Variants in CABLES2 observed in about 807,000 individuals in gnomAD.
CABLES2 encodes Cdk5 and Abl enzyme substrate 2.
In CABLES2, 35 loss-of-function variants were observed where a neutral mutation model predicts 44.8. The ratio of observed to expected loss-of-function variants is 0.78; its 90% confidence interval spans 0.60 to 1.04. The LOEUF is 1.04. Among genes scored for constraint, CABLES2 ranks in the 50% least tolerant of loss-of-function variants. The pLI is 0.00. For synonymous variants in CABLES2, 282 were observed against 281.1 expected, an observed-to-expected ratio of 1.00 and a Z score of -0.03; for missense variants, 566 against 615.7, an observed-to-expected ratio of 0.92 and a Z score of 0.85.
In CABLES2 at chr20:62,407,154, G is replaced by C. The variant is rs1182332496; in HGVS notation, c.123C>G (p.Asp41Glu). 4.0e-5 allele frequency: 41 copies of C among 1,012,370 alleles called. No homozygotes were observed. Among genetic ancestry groups the C allele is most frequent in the Non-Finnish European group, 3.0e-5 (25 of 847,212 alleles). The allele number at this position is 1,012,370 out of a possible 1,614,324, so 62.7% of individuals were successfully genotyped here. ...AAAGCGCGGCCTGGCGGCGCCGCGAGTCCCCGCGCCTCCGCAGCGCCTGCG... is the reference window on the plus strand; with the variant it reads ...AAAGCGCGGCCTGGCGGCGCCGCGACTCCCCGCGCCTCCGCAGCGCCTGCG... ...APPQALRRRG[D>E]SRRRQAALFF... Residue 41 changes from aspartate to glutamate, a missense_variant, in exon 1 of 10, where the codon GAC becomes GAG. This residue lies in a region of CABLES2 where 130 missense variants were observed against 79.4 expected (regional missense o/e 1.64). Coordinates refer to ENST00000279101, the MANE Select transcript of CABLES2 (RefSeq NM_031215.3).
At chr20:62,398,082 GTGGTGA>G (rs532663038) in intron 1 of CABLES2, among the ~76,000 whole-genome samples, 3 of 82,132 alleles carry the variant, frequency 3.7e-5, no homozygotes, top group African/African-American at 5.8e-5. Context: ...GGTGGTGGTG[GTGGTGA>G]CGGTGGTGGT....
chr20:62,396,547 A>C lies in CABLES2; in HGVS notation c.408T>G (p.Asp136Glu), dbSNP rs757856217. The change falls in exon 2 of 10, where the codon GAT becomes GAG. Residue 136 changes from aspartate (D) to glutamate (E), a missense_variant. By Grantham distance (45) the Asp-to-Glu change is conservative. Coordinates refer to ENST00000279101, the MANE Select transcript of CABLES2 (RefSeq NM_031215.3). The surrounding 1 kb of genome is among the most constrained non-coding windows in gnomAD (Gnocchi z 5.7). ...SQRCSLEFLE[D>E]AVGCAPAQRT... is the part of the protein sequence containing the mutation. ...TCTGTGCTGGAGCGCATCCCACGGC[A>C]TCTTCCAGAAACTCCAGGGAGCAGC... is the stretch of plus-strand genomic sequence containing the variant. The C allele has an allele frequency of 6.2e-7, 1 of 1,613,730 alleles. No homozygotes were observed. The highest frequency in any genetic ancestry group is 8.5e-7 in the Non-Finnish European group (1 of 1,179,932).
chr20:62,392,006 C>T (rs866950027), intron 8 of CABLES2, among the ~76,000 whole-genome samples: 1 of 152,062 alleles, frequency 6.6e-6, no homozygotes, highest in Admixed American at 6.5e-5. Context: ...GAGCACCCAG[C>T]ATGCCTGGAT....
Position 62,391,268 on chromosome 20 carries a change from C to T in CABLES2, c.1277G>A (p.Gly426Asp). 6.2e-7 allele frequency: 1 copy of T among 1,610,196 alleles called. No homozygotes were observed. ...AKISSDLRKS[G>D]VTQLIDKLEE... is the part of the protein sequence containing the mutation. ...ACTCACATCGATGAGCTGCGTCACG[C>T]CGCTCTTGCGCAGGTCACTGCTGAT... The change falls in exon 9 of 10, where the codon GGC becomes GAC. Residue 426 changes from glycine (G) to aspartate (D), a missense_variant. Gly to Asp is a moderately conservative substitution (Grantham distance 94, BLOSUM62 -1). Coordinates refer to ENST00000279101, the MANE Select transcript of CABLES2 (RefSeq NM_031215.3). The surrounding 1 kb of genome is among the most constrained non-coding windows in gnomAD (Gnocchi z 5.7).
At position 62,393,341 on chromosome 20, in the gene CABLES2, A is replaced by G. The variant is rs111434433; in HGVS notation, c.880+99T>C. 192 of 1,270,392 alleles carry G rather than the reference A, an allele frequency of 1.5e-4. 2 individuals are homozygous for G. In the African/African-American group the frequency reaches 2.3e-3, roughly 15 times the overall value. The allele number at this position is 1,270,392 out of a possible 1,614,324, so 78.7% of individuals were successfully genotyped here. On this transcript the variant is annotated intron_variant, in intron 6 of 9. Coordinates refer to ENST00000279101, the MANE Select transcript of CABLES2 (RefSeq NM_031215.3). ...AGGCTCCATCTGCACGGAGGGCTAC[A>G]GATTGAAAGGGGCTTGCTGATGCTG...
chr20:62,396,332 G>T lies in CABLES2; in HGVS notation c.510C>A (p.Tyr170Ter), dbSNP rs202000885. Residue 170 changes from tyrosine (Y) to a stop codon, truncating the protein, a stop_gained, in exon 3 of 10, where the codon TAC (tyrosine) becomes TAA (stop). Transcript: ENST00000279101. LOFTEE classifies it high-confidence loss of function. The surrounding 1 kb of genome is among the most constrained non-coding windows in gnomAD (Gnocchi z 5.7). ...KTHFIKNMRQ[Y>*]DTRNSRIVLI... ...CTTCATACCTGCTGTTCCTGGTGTC[G>T]TACTGCCTCATGTTCTTGATGAAGT... The T allele has an allele frequency of 1.2e-6, 2 of 1,613,720 alleles. No individual in the cohort carries two copies. Among genetic ancestry groups the T allele is most frequent in the Admixed American group, 1.7e-5 (1 of 59,990 alleles).
At chr20:62,405,175 A>C (rs1253523593) in intron 1 of CABLES2, 1 of 152,314 alleles carries the variant, frequency 6.6e-6, no homozygotes, top group South Asian at 2.1e-4. Flanking sequence ...GGACTGAGGG[A>C]GAAAGCTGTT....
At chr20:62,401,385 G>C (rs966470824) in intron 1 of CABLES2, among the ~76,000 whole-genome samples, 1 of 152,184 alleles carries the variant, frequency 6.6e-6, no homozygotes, top group African/African-American at 2.4e-5. Context: ...GCAACTCCAC[G>C]CATCACCGCA....
intron 1 of CABLES2, chr20:62,403,351 ACAGGTTAAGTC>A (rs962863168): frequency 4.6e-5 from 7 of 152,246 alleles, no homozygotes; most frequent in African/African-American, 1.4e-4. Context: ...TTAAGATGTC[ACAGGTTAAGTC>A]CTAATCCAAT....
chr20:62,397,098 C>T lies in CABLES2; in HGVS notation c.363-506G>A, dbSNP rs1452166436. 3.9e-5 allele frequency among the ~76,000 whole-genome samples: 6 copies of T among 152,334 alleles called. No individual in the cohort carries two copies. The East Asian group carries it at 1.2e-3, about 29-fold the overall frequency. On this transcript the variant is annotated intron_variant, in intron 1 of 9. Transcript: ENST00000279101. ...GCCACCTTCCCCTGGCTTGCAGCTC[C>T]CTGCACCAGCCACAACCTCCCACCT...
At chr20:62,399,953 A>ATGGTTGTAGGGGTAC (rs1988158910) in intron 1 of CABLES2, among the ~76,000 whole-genome samples, 3 of 152,236 alleles carry the variant, frequency 2.0e-5, no homozygotes, top group Admixed American at 6.5e-5. Flanking sequence ...GAAAAAGAAC[A>ATGGTTGTAGGGGTAC]TGGTTGTAGG....
intron 3 of CABLES2, among the ~76,000 whole-genome samples, chr20:62,395,516 C>T (rs1031406824): frequency 3.9e-5 from 6 of 152,220 alleles, no homozygotes; most frequent in East Asian, 3.9e-4. Flanking sequence ...CCTTCCAAGG[C>T]GCTCGAGCAG....
chr20:62,394,753 C>T (rs998115070), intron 4 of CABLES2, among the ~76,000 whole-genome samples, 184 bp downstream of exon 4: 2 of 152,228 alleles, frequency 1.3e-5, no homozygotes, highest in Non-Finnish European at 2.9e-5. Context: ...AGAGTGAGGA[C>T]CCGAAACGGC....
Position 62,390,187 on chromosome 20 carries a change from G to C in CABLES2, c.*784C>G, listed in dbSNP as rs1230829797. On this transcript the variant is annotated 3_prime_UTR_variant, in exon 10 of 10. Coordinates refer to ENST00000279101, the MANE Select transcript of CABLES2 (RefSeq NM_031215.3). ...GGCCCAGAGTGTCTCCTGGTGAGAGGCAGAGGGTAGAGCATGGCATGGGAT... is the reference window on the plus strand; with the variant it reads ...GGCCCAGAGTGTCTCCTGGTGAGAGCCAGAGGGTAGAGCATGGCATGGGAT... 1.3e-5 allele frequency: 2 copies of C among 152,562 alleles called. No homozygotes were observed. The highest frequency in any genetic ancestry group is 2.9e-5 in the Non-Finnish European group (2 of 68,058). 9.5% of individuals were successfully genotyped at this position (152,562 alleles called of 1,614,324 possible).
At position 62,396,817 on chromosome 20, in the gene CABLES2, G is replaced by A. The variant is rs978599085; in HGVS notation, c.363-225C>T. Among the ~76,000 whole-genome samples the A allele has an allele frequency of 6.6e-6, 1 of 152,022 alleles. No individual in the cohort carries two copies. The highest frequency in any genetic ancestry group is 2.1e-4 in the South Asian group (1 of 4,830). ...TGGAGGCACTGAGCTCTTCTCTGGG[G>A]ACCAGCAGCCCTGGGGGACAGGCTC... On this transcript the variant is annotated intron_variant, in intron 1 of 9. Coordinates refer to ENST00000279101, the MANE Select transcript of CABLES2 (RefSeq NM_031215.3). This position sits in a 1 kb window ranked among gnomAD's most constrained non-coding sequence, Gnocchi z 5.7.
At chr20:62,394,800 G>T in intron 4 of CABLES2, 137 bp downstream of exon 4, 1 of 718,090 alleles carries the variant, frequency 1.4e-6, no homozygotes, top group Non-Finnish European at 2.3e-6. Context: ...AGGTTGACAT[G>T]CTGAGCCTCG....
chr20:62,398,167 T>C (rs1601476248), intron 1 of CABLES2, among the ~76,000 whole-genome samples: 1 of 123,124 alleles, frequency 8.1e-6, no homozygotes, highest in Non-Finnish European at 1.7e-5. Context: ...ACGGTGATGG[T>C]GGTAATGGTG....
intron 1 of CABLES2, chr20:62,402,444 G>C (rs927122876): frequency 1.3e-5 from 2 of 152,220 alleles, no homozygotes; most frequent in Non-Finnish European, 2.9e-5. Context: ...CTTGACGGTG[G>C]GTCTGACAAT....
At chr20:62,398,838 C>T (rs1988135006) in intron 1 of CABLES2, among the ~76,000 whole-genome samples, 1 of 152,274 alleles carries the variant, frequency 6.6e-6, no homozygotes. Context: ...GTGACAACCA[C>T]ACCCATTTAT....
Sources: gnomAD v4.1 joint callset for allele counts (sites outside exome capture counted in the v4.1 genomes callset) on GRCh38, gnomAD v4.1.1 for gene constraint, gnomAD v4.1.1 regional missense constraint, Gnocchi (gnomAD v3.1) non-coding constraint, MANE v1.5 for transcripts, NCBI Gene and HGNC (gene_info 2026-07-23, HGNC 2026-07-21) for gene names.